HELB: variants seen among roughly 807,000 people sequenced by gnomAD.
HELB encodes the protein DNA 5'-3' helicase B.
HELB carries 96 observed loss-of-function variants against 101.7 expected under a neutral mutation model. The ratio of observed to expected loss-of-function variants is 0.94; its 90% CI spans 0.80 to 1.12. The LOEUF is 1.12. Ranked by LOEUF, HELB falls within the 50% of genes most tolerant of loss-of-function variation. The probability of loss-of-function intolerance (pLI) is 0.00; values close to 1 mark genes in which losing one functional copy is unlikely to be tolerated. For synonymous variants in HELB, 437 were observed against 459.7 expected (o/e 0.95, Z 0.63); for missense variants, 1,210 against 1,291.9 (o/e 0.94, Z 0.97).
rs992496895 is a variant in HELB at position 66,324,062 on chromosome 12, C to A, written c.2377C>A (p.Pro793Thr). ...TRNAYLSDLL[P>T]ENISGSQQNN... Reference sequence around the variant, plus strand: ...GAATGCATACCTCTCAGACTTACTACCTGAAAATATCTCTGGAAGTCAGCA... The same window carrying A: ...GAATGCATACCTCTCAGACTTACTAACTGAAAATATCTCTGGAAGTCAGCA... The change falls in exon 10 of 13, where the codon CCT becomes ACT. Residue 793 changes from proline to threonine, a missense_variant. Transcript: ENST00000247815. 24 of 1,613,370 alleles carry A rather than the reference C, an allele frequency of 1.5e-5. No individual in the cohort carries two copies. The highest frequency in any genetic ancestry group is 2.0e-5 in the Non-Finnish European group (24 of 1,179,702).
In HELB at chr12:66,306,417, G is replaced by A. The variant is rs138859028; in HGVS notation, c.680G>A (p.Arg227Gln). The A allele has an allele frequency of 1.5e-4, 239 of 1,609,406 alleles. No individual in the cohort carries two copies. The highest frequency in any genetic ancestry group is 2.0e-4 in the Non-Finnish European group (231 of 1,177,766). ...IMEFLPVLLP[R>Q]HFKWIIGSGS... ...GAATTCCTTCCAGTTCTTCTGCCTC[G>A]ACACTTTAAATGGATCATAGGGTCA... Residue 227 changes from arginine (R) to glutamine (Q), a missense_variant, in exon 3 of 13, where the codon CGA becomes CAA. Arg to Gln is a conservative substitution (Grantham distance 43). This residue lies in a region of HELB where 470 missense variants were observed against 563.1 expected (regional missense o/e 0.83). Coordinates refer to ENST00000247815, the MANE Select transcript of HELB (RefSeq NM_001370285.1).
chr12:66,320,653 T>C (rs112163704), intron 7 of HELB, among the ~76,000 whole-genome samples: 113 of 152,350 alleles, frequency 7.4e-4, no homozygotes, highest in African/African-American at 2.5e-3. Flanking sequence ...GCTTACCTGA[T>C]ACTGCTTTTC....
At position 66,315,279 on chromosome 12, in the gene HELB, C is replaced by G. The variant is rs780427434; in HGVS notation, c.1896C>G (p.Asn632Lys). The part of the protein sequence containing the change: ...IRQLPSIEPG[N>K]LLKDLFETLK... ...AGTTACCCAGTATTGAACCTGGTAA[C>G]TTGCTGAAAGATCTTTTTGAGACTC... Residue 632 changes from asparagine to lysine, a missense_variant, in exon 6 of 13, where the codon AAC becomes AAG. Physicochemically the swap from Asn to Lys is moderately conservative, Grantham distance 94. Transcript: ENST00000247815. The G allele has an allele frequency of 3.1e-6, 5 of 1,608,232 alleles. No individual in the cohort carries two copies. The East Asian group carries it at 1.1e-4, about 36-fold the overall frequency.
Position 66,338,001 on chromosome 12 carries a change from G to A in HELB, c.3163G>A (p.Val1055Met), listed in dbSNP as rs769717600. 1.9e-5 allele frequency: 29 copies of A among 1,532,392 alleles called. No individual in the cohort carries two copies. Among genetic ancestry groups the A allele is most frequent in the Non-Finnish European group, 2.4e-5 (27 of 1,108,772 alleles). The allele number at this position is 1,532,392 out of a possible 1,614,324, so 94.9% of individuals were successfully genotyped here. The change falls in exon 13 of 13, where the codon GTG (valine) becomes ATG (methionine). Residue 1055 changes from valine to methionine, a missense_variant and splice_region_variant. Coordinates refer to ENST00000247815, the MANE Select transcript of HELB (RefSeq NM_001370285.1). ...TTTGTTATTTTAATTGTTCTAACAG[G>A]TGGGAGAATCTCCACAAGTGTCTTC... Reference protein sequence around the residue: ...DDESPSKIFMVGESPQVSSRL... With the variant: ...DDESPSKIFMMGESPQVSSRL...
chr12:66,336,158 T>C (rs1263229001), intron 12 of HELB, among the ~76,000 whole-genome samples: 4 of 152,220 alleles, frequency 2.6e-5, no homozygotes, highest in Non-Finnish European at 4.4e-5. Flanking sequence ...ACATTCAGAA[T>C]ATTGTTCTTT....
chr12:66,341,420 T>A (rs1274855808), downstream of HELB: 1 of 152,150 alleles, frequency 6.6e-6, no homozygotes, highest in Admixed American at 6.5e-5. Context: ...CTGACTCCAA[T>A]GTCAGTCTCT....
At chr12:66,333,791 A>G (rs1469267656) in intron 12 of HELB, among the ~76,000 whole-genome samples, 1 of 152,144 alleles carries the variant, frequency 6.6e-6, no homozygotes, top group Non-Finnish European at 1.5e-5. Context: ...CACGGGAATG[A>G]GTTGGGATTT....
rs771702939 is a variant in HELB at position 66,325,107 on chromosome 12, G to A, written c.2651G>A (p.Arg884Lys). The change falls in exon 11 of 13, where the codon AGA (arginine) becomes AAA (lysine). Residue 884 changes from arginine (R) to lysine (K), a missense_variant. Coordinates refer to ENST00000247815, the MANE Select transcript of HELB (RefSeq NM_001370285.1). ...KYCRIKHAWA[R>K]TIHTFQGSEE... ...TGTCGCATAAAACATGCATGGGCAA[G>A]AACTATTCACACTTTTCAGGTAAGA... is the stretch of plus-strand genomic sequence containing the variant. 6.2e-7 allele frequency: 1 copy of A among 1,609,724 alleles called. No individual in the cohort carries two copies. Among genetic ancestry groups the A allele is most frequent in the Non-Finnish European group, 8.5e-7 (1 of 1,176,536 alleles).
chr12:66,306,273 A>G, intron 2 of HELB, 72 bp from the exon 3 acceptor site: 1 of 1,204,992 alleles, frequency 8.3e-7, no homozygotes, highest in Non-Finnish European at 1.1e-6. Context: ...GTGCAAAATG[A>G]GAAAGTACTT....
Position 66,331,596 on chromosome 12 carries a change from A to G in HELB, c.3113A>G (p.Lys1038Arg), listed in dbSNP as rs143444957. 1.1e-5 allele frequency: 17 copies of G among 1,611,150 alleles called. No individual in the cohort carries two copies. Among genetic ancestry groups the G allele is most frequent in the Non-Finnish European group, 1.4e-5 (17 of 1,179,982 alleles). ...GATTTACCAAAATCGCGAGCATCCA[A>G]AAGAACCTGTGGTGTGAATGATGAT... ...DDDLPKSRAS[K>R]RTCGVNDDES... The change falls in exon 12 of 13, where the codon AAA becomes AGA. Residue 1038 changes from lysine (K) to arginine (R), a missense_variant. By Grantham distance (26) the Lys-to-Arg change is conservative. This residue lies in a region of HELB where 740 missense variants were observed against 728.8 expected (regional missense o/e 1.02). Coordinates refer to ENST00000247815, the MANE Select transcript of HELB (RefSeq NM_001370285.1).
intron 1 of HELB, 48 bp downstream of exon 1, chr12:66,302,838 G>A: frequency 6.6e-7 from 1 of 1,505,648 alleles, no homozygotes; most frequent in Non-Finnish European, 9.0e-7. Context: ...GTCCAAAGTA[G>A]CGCTTCCCAT....
chr12:66,302,679 G>A lies in HELB; in HGVS notation c.76G>A (p.Asp26Asn). The change falls in exon 1 of 13, where the codon GAC becomes AAC. Residue 26 changes from aspartate to asparagine, a missense_variant. Physicochemically the swap from Asp to Asn is conservative, Grantham distance 23. Coordinates refer to ENST00000247815, the MANE Select transcript of HELB (RefSeq NM_001370285.1). ...ACCCAGGGATCTGGTGGAGGAGGAC[G>A]ACGACTACCTAAACGACGACGTGGA... ...LPPRDLVEED[D>N]DYLNDDVEED... is the part of the protein sequence containing the mutation. 1 of 1,614,130 alleles carries A rather than the reference G, an allele frequency of 6.2e-7. No homozygotes were observed. The highest frequency in any genetic ancestry group is 2.2e-5 in the East Asian group (1 of 44,880).
chr12:66,306,219 C>G, intron 2 of HELB, 126 bp from the exon 3 acceptor site: 3 of 580,076 alleles, frequency 5.2e-6, no homozygotes, highest in East Asian at 3.1e-5. Flanking sequence ...CTGGTTAAAG[C>G]AAGTGTACTA....
chr12:66,318,354 G>A (rs1449082507), intron 6 of HELB, among the ~76,000 whole-genome samples: 2 of 152,122 alleles, frequency 1.3e-5, no homozygotes, highest in South Asian at 4.1e-4. Flanking sequence ...TCAGAATGGT[G>A]CCTAGTAAAT....
chr12:66,338,771 G>A (rs1202961958), downstream of HELB: 1 of 152,256 alleles, frequency 6.6e-6, no homozygotes, highest in African/African-American at 2.4e-5. Flanking sequence ...ATGGGTTGAA[G>A]CAGTGGCAAA....
intron 11 of HELB, among the ~76,000 whole-genome samples, chr12:66,326,030 TAACTA>T (rs1202012245): frequency 6.6e-6 from 1 of 152,246 alleles, no homozygotes; most frequent in East Asian, 1.9e-4. Flanking sequence ...GTAAGACTGC[TAACTA>T]AACTATGCAT....
At chr12:66,315,188 TG>T (rs948159638) in intron 5 of HELB, 53 bp from the exon 6 acceptor site, 4 of 1,325,686 alleles carry the variant, frequency 3.0e-6, no homozygotes, top group Non-Finnish European at 4.1e-6. Context: ...TAAACAATCT[TG>T]GGGGTATTTT....
At chr12:66,337,169 G>T (rs1254225196) in intron 12 of HELB, among the ~76,000 whole-genome samples, 2 of 152,124 alleles carry the variant, frequency 1.3e-5, no homozygotes, top group Non-Finnish European at 2.9e-5. Flanking sequence ...TGAGGGTCAG[G>T]TTTTGTGGGA....
In HELB at chr12:66,317,185, C is replaced by T. The variant is rs185843657; in HGVS notation, c.2001-1453C>T. Among the ~76,000 whole-genome samples the T allele has an allele frequency of 3.8e-3, 573 of 150,028 alleles. 3 individuals are homozygous for T. The highest frequency in any genetic ancestry group is 0.012 in the African/African-American group (490 of 40,838). On this transcript the variant is annotated intron_variant, in intron 6 of 12. Coordinates refer to ENST00000247815, the MANE Select transcript of HELB (RefSeq NM_001370285.1). ...GCACTCTAACCTGGGTGATAGAGCGCGACTCCATCTCAAAAAAAAAAAATT... is the reference window on the plus strand; with the variant it reads ...GCACTCTAACCTGGGTGATAGAGCGTGACTCCATCTCAAAAAAAAAAAATT...
Sources: gnomAD v4.1 joint callset for allele counts (sites outside exome capture counted in the v4.1 genomes callset) on GRCh38, gnomAD v4.1.1 for gene constraint, gnomAD v4.1.1 regional missense constraint, MANE v1.5 for transcripts, NCBI Gene and HGNC (gene_info 2026-07-23, HGNC 2026-07-21) for gene names.